SNTG1: variants seen among roughly 807,000 people sequenced by gnomAD.
The protein encoded by SNTG1 is gamma-1-syntrophin.
Under a neutral mutation model 74.7 loss-of-function variants are expected in SNTG1, and 39 were observed. The observed-to-expected ratio is 0.52, with a 90% CI of 0.40 to 0.68. The LOEUF (loss-of-function observed/expected upper bound fraction) is 0.68. SNTG1 is among the 30% of genes least tolerant of loss of function. SNTG1 has a pLI of 0.00. For synonymous variants in SNTG1, 254 were observed against 217.1 expected (o/e 1.17, Z -1.49); for missense variants, 685 against 609.5 (o/e 1.12, Z -1.30).
At chr8:50,319,500 A>T (rs527664751) in intron 2 of SNTG1, among the ~76,000 whole-genome samples, 1 of 152,336 alleles carries the variant, frequency 6.6e-6, no homozygotes, top group South Asian at 2.1e-4. Context: ...ATATAAGATT[A>T]CATCCTCTGC....
chr8:50,263,123 G>A (rs1486840880), intron 2 of SNTG1, among the ~76,000 whole-genome samples: 1 of 152,174 alleles, frequency 6.6e-6, no homozygotes, highest in Non-Finnish European at 1.5e-5. Context: ...ATAATGATGT[G>A]TCAGTGTGGG....
intron 1 of SNTG1, among the ~76,000 whole-genome samples, chr8:49,981,867 C>A (rs933014789): frequency 1.3e-5 from 2 of 151,910 alleles, no homozygotes; most frequent in Non-Finnish European, 2.9e-5. Context: ...TCTAAAAAGT[C>A]TTTGTAGTGA....
At chr8:50,777,589 T>C (rs1467225598) in intron 18 of SNTG1, among the ~76,000 whole-genome samples, 1 of 151,872 alleles carries the variant, frequency 6.6e-6, no homozygotes, top group Admixed American at 6.6e-5. Context: ...CTTTAAAATA[T>C]TTGTCAACTG....
At chr8:50,513,111 T>A (rs1405760048) in intron 9 of SNTG1, among the ~76,000 whole-genome samples, 2 of 152,186 alleles carry the variant, frequency 1.3e-5, no homozygotes, top group Non-Finnish European at 1.5e-5. Context: ...ATGTCCTTTT[T>A]GTTTGTTAAT....
chr8:50,095,861 A>G (rs2079907352), intron 1 of SNTG1, among the ~76,000 whole-genome samples: 1 of 152,070 alleles, frequency 6.6e-6, no homozygotes, highest in African/African-American at 2.4e-5. Flanking sequence ...CTCCAAAGTG[A>G]GCACAAGCCT....
At chr8:50,584,893 G>A (rs73587017) in intron 12 of SNTG1, among the ~76,000 whole-genome samples, 3,461 of 152,130 alleles carry the variant, frequency 0.023, 126 homozygotes, top group African/African-American at 0.079. Context: ...CACTGACCTG[G>A]GTGGGCACTG....
At chr8:49,992,078 C>T (rs749544294) in intron 1 of SNTG1, among the ~76,000 whole-genome samples, 4 of 152,104 alleles carry the variant, frequency 2.6e-5, no homozygotes, top group African/African-American at 7.2e-5. Context: ...TCTTCCTTTG[C>T]GGGAACAGAA....
rs1818326905 is a variant in SNTG1 at position 50,038,225 on chromosome 8, G to A, written c.-103+125994G>A. Among the ~76,000 whole-genome samples, 3 of 152,052 alleles carry A rather than the reference G, an allele frequency of 2.0e-5. No homozygotes were observed. In the South Asian group the frequency reaches 6.2e-4, roughly 31 times the overall value. ...CCACCCTTCCCTCTGGCTGATCTAT[G>A]TACCCCTGAAAATAGAGCATCCAGA... On this transcript the variant is annotated intron_variant, in intron 1 of 18. Transcript: ENST00000642720.
intron 13 of SNTG1, among the ~76,000 whole-genome samples, chr8:50,599,945 C>A (rs1349684368): frequency 6.6e-6 from 1 of 152,172 alleles, no homozygotes; most frequent in Non-Finnish European, 1.5e-5. Flanking sequence ...TACCTTGGGT[C>A]TGTAATACAT....
intron 4 of SNTG1, among the ~76,000 whole-genome samples, chr8:50,423,866 C>T (rs1223259112): frequency 6.6e-6 from 1 of 152,130 alleles, no homozygotes; most frequent in Non-Finnish European, 1.5e-5. Flanking sequence ...GAGTGCCTGA[C>T]ATCGCGTTAG....
At chr8:50,462,780 A>T (rs2093575562) in intron 8 of SNTG1, among the ~76,000 whole-genome samples, 1 of 133,300 alleles carries the variant, frequency 7.5e-6, no homozygotes, top group Non-Finnish European at 1.5e-5. Flanking sequence ...ACTCAGTCGC[A>T]TCTTCAGGTT....
chr8:50,752,539 A>G (rs981675664), intron 18 of SNTG1, among the ~76,000 whole-genome samples: 12 of 151,980 alleles, frequency 7.9e-5, no homozygotes, highest in Admixed American at 7.9e-4. Flanking sequence ...TTTCATTACT[A>G]TAATATAAAA....
chr8:50,608,878 A>G (rs905528645), intron 13 of SNTG1, among the ~76,000 whole-genome samples: 2 of 151,900 alleles, frequency 1.3e-5, no homozygotes, highest in Non-Finnish European at 2.9e-5. Context: ...TTGATTTTTG[A>G]AAAAGATTGC....
chr8:50,636,464 G>A (rs2095039914), intron 13 of SNTG1, among the ~76,000 whole-genome samples: 1 of 152,038 alleles, frequency 6.6e-6, no homozygotes, highest in Non-Finnish European at 1.5e-5. Context: ...TTGTCTGCTG[G>A]GATGTGCAAT....
intron 18 of SNTG1, among the ~76,000 whole-genome samples, chr8:50,754,818 T>G (rs1386806736): frequency 6.6e-6 from 1 of 151,948 alleles, no homozygotes; most frequent in Non-Finnish European, 1.5e-5. Context: ...TTGTTAGCAC[T>G]GCATTTGCTG....
At chr8:50,682,996 T>C (rs1419515801) in intron 15 of SNTG1, among the ~76,000 whole-genome samples, 1 of 152,204 alleles carries the variant, frequency 6.6e-6, no homozygotes, top group Non-Finnish European at 1.5e-5. Flanking sequence ...CCTACTGCAT[T>C]TAACCAGTTT....
chr8:50,660,393 GAAAAA>G (rs2095214297), intron 15 of SNTG1, among the ~76,000 whole-genome samples: 18 of 48,450 alleles, frequency 3.7e-4, no homozygotes, highest in Non-Finnish European at 6.6e-4. Flanking sequence ...AAGGAAGGAA[GAAAAA>G]GAGAAAGAAA....
At position 50,041,516 on chromosome 8, in the gene SNTG1, G is replaced by C. The variant is rs571103644; in HGVS notation, c.-103+129285G>C. Among the ~76,000 whole-genome samples the C allele has an allele frequency of 8.5e-5, 13 of 152,202 alleles. No homozygotes were observed. In the South Asian group the frequency reaches 2.5e-3, roughly 29 times the overall value. ...TGTATTCAATGTAAAAATAAGTCTT[G>C]GGATTAAACGGAATTGAGCTCAGTA... On this transcript the variant is annotated intron_variant, in intron 1 of 18. Coordinates refer to ENST00000642720, the MANE Select transcript of SNTG1 (RefSeq NM_018967.5).
chr8:50,094,093 T>C (rs1586240717), intron 1 of SNTG1, among the ~76,000 whole-genome samples: 1 of 151,886 alleles, frequency 6.6e-6, no homozygotes. Flanking sequence ...CTTGTGGAGG[T>C]GTTTGCTGAA....
Sources: gnomAD v4.1 joint callset for allele counts (sites outside exome capture counted in the v4.1 genomes callset) on GRCh38, gnomAD v4.1.1 for gene constraint, MANE v1.5 for transcripts, NCBI Gene and HGNC (gene_info 2026-07-23, HGNC 2026-07-21) for gene names.